Variants in SLC9C1 observed in about 807,000 individuals in gnomAD.
The protein encoded by SLC9C1 is sodium/hydrogen exchanger 10.
In SLC9C1, 97 loss-of-function variants were observed where a neutral mutation model predicts 140.9. The observed-to-expected ratio is 0.69, with a 90% CI of 0.58 to 0.82. The LOEUF (loss-of-function observed/expected upper bound fraction) is 0.82, where lower values mean the gene tolerates loss of function less well. SLC9C1 is among the 40% of genes least tolerant of loss of function. The probability of loss-of-function intolerance (pLI) is 0.00; values close to 1 mark genes in which losing one functional copy is unlikely to be tolerated. For synonymous variants in SLC9C1, 440 were observed against 442.6 expected (o/e 0.99, Z 0.07); for missense variants, 1,340 against 1,389.3 (o/e 0.96, Z 0.56).
intron 18 of SLC9C1, 41 bp downstream of exon 18, chr3:112,202,209 G>T: frequency 6.2e-7 from 1 of 1,604,236 alleles, no homozygotes; most frequent in Non-Finnish European, 8.5e-7. Flanking sequence ...GGCAACTGAG[G>T]GCTGAGTGAA....
chr3:112,160,404 A>G (rs1420975501), intron 26 of SLC9C1, among the ~76,000 whole-genome samples: 1 of 147,980 alleles, frequency 6.8e-6, no homozygotes, highest in Non-Finnish European at 1.5e-5. Flanking sequence ...ATATCTCCCA[A>G]TGCTATCCCT....
intron 9 of SLC9C1, 43 bp downstream of exon 9, chr3:112,264,156 TA>T (rs1246283272): frequency 1.2e-6 from 1 of 863,888 alleles, no homozygotes. Context: ...CCTTCAAACT[TA>T]CTCAATTATC....
intron 23 of SLC9C1, among the ~76,000 whole-genome samples, chr3:112,174,501 C>T (rs898764117): frequency 5.3e-5 from 8 of 152,056 alleles, no homozygotes; most frequent in South Asian, 2.1e-4. Context: ...GTGGAGGGAG[C>T]GGGGGTGCAG....
intron 7 of SLC9C1, among the ~76,000 whole-genome samples, chr3:112,266,875 T>G (rs2079932582): frequency 6.6e-6 from 1 of 152,256 alleles, no homozygotes. Context: ...GTATTTTAAT[T>G]ACTGTAGACC....
rs530725261 is a variant in SLC9C1 at position 112,233,118 on chromosome 3, G to A, written c.1447-1632C>T. 1.1e-4 allele frequency among the ~76,000 whole-genome samples: 16 copies of A among 148,972 alleles called. No individual in the cohort carries two copies. In the East Asian group the frequency reaches 2.6e-3, roughly 24 times the overall value. On this transcript the variant is annotated intron_variant, in intron 12 of 28. Transcript: ENST00000305815. ...GGGTATCTCTTTGCTGCCCAGGCTG[G>A]AGTGCAGTGGCACAATCACGGTTCA...
intron 20 of SLC9C1, among the ~76,000 whole-genome samples, chr3:112,190,556 GT>G (rs2077636338): frequency 6.6e-6 from 1 of 152,024 alleles, no homozygotes. Flanking sequence ...AACAATAACA[GT>G]TTTTGCCCAT....
At chr3:112,169,581 T>C (rs1458857547) in intron 23 of SLC9C1, among the ~76,000 whole-genome samples, 1 of 152,182 alleles carries the variant, frequency 6.6e-6, no homozygotes, top group African/African-American at 2.4e-5. Flanking sequence ...TTCTGTTCCA[T>C]TGATGTATGT....
At chr3:112,226,280 C>T (rs1222952199) in intron 13 of SLC9C1, among the ~76,000 whole-genome samples, 1 of 152,034 alleles carries the variant, frequency 6.6e-6, no homozygotes, top group Non-Finnish European at 1.5e-5. Flanking sequence ...AATCATGTTC[C>T]TCAACCACTG....
At chr3:112,272,620 T>TA (rs2080106796) in intron 6 of SLC9C1, among the ~76,000 whole-genome samples, 2 of 152,192 alleles carry the variant, frequency 1.3e-5, no homozygotes, top group Non-Finnish European at 2.9e-5. Flanking sequence ...TCCTAATGTC[T>TA]AAAAAAGTAA....
At chr3:112,229,240 G>A (rs1261844570) in intron 13 of SLC9C1, among the ~76,000 whole-genome samples, 1 of 151,976 alleles carries the variant, frequency 6.6e-6, no homozygotes, top group Non-Finnish European at 1.5e-5. Context: ...TAGATAGGAA[G>A]AATAAATTCT....
chr3:112,179,598 A>G lies in SLC9C1; in HGVS notation c.2852T>C (p.Ile951Thr), dbSNP rs907811058. ...DTDYMLSGEI[I>T]GEINCLTNEP... ...ATTAGTTAAGCAGTTTATCTCTCCT[A>G]TTATTTCTCCACTGAGCATATAGTC... is the stretch of plus-strand genomic sequence containing the variant. Residue 951 changes from isoleucine to threonine, a missense_variant, in exon 23 of 29, where the codon ATA (isoleucine) becomes ACA (threonine). Transcript: ENST00000305815. The G allele has an allele frequency of 5.6e-6, 9 of 1,612,050 alleles. No homozygotes were observed. Among genetic ancestry groups the G allele is most frequent in the African/African-American group, 5.3e-5 (4 of 74,886 alleles).
chr3:112,145,800 G>A (rs995689342), intron 28 of SLC9C1, among the ~76,000 whole-genome samples: 2 of 151,896 alleles, frequency 1.3e-5, no homozygotes, highest in African/African-American at 4.8e-5. Flanking sequence ...GAGACCCGAA[G>A]GCAGATAAAT....
intron 28 of SLC9C1, among the ~76,000 whole-genome samples, chr3:112,145,579 C>A (rs1287613809): frequency 3.9e-5 from 5 of 129,270 alleles, no homozygotes; most frequent in Non-Finnish European, 7.8e-5. Flanking sequence ...GTGAATCCAC[C>A]TGCCCTTGGC....
chr3:112,189,404 G>T (rs2077604407), intron 20 of SLC9C1, among the ~76,000 whole-genome samples: 1 of 152,152 alleles, frequency 6.6e-6, no homozygotes, highest in Non-Finnish European at 1.5e-5. Flanking sequence ...ATTAATTTTT[G>T]TATAAGATGT....
chr3:112,252,713 T>C (rs989359333), intron 10 of SLC9C1, among the ~76,000 whole-genome samples: 4 of 152,036 alleles, frequency 2.6e-5, no homozygotes, highest in African/African-American at 9.7e-5. Flanking sequence ...GCCTTAGCCA[T>C]TGTTGCCTTC....
At position 112,264,306 on chromosome 3, in the gene SLC9C1, C is replaced by A; in HGVS notation, c.916G>T (p.Val306Leu). The change falls in exon 9 of 29, where the codon GTG (valine) becomes TTG (leucine). Residue 306 changes from valine to leucine, a missense_variant. Physicochemically the swap from Val to Leu is conservative, Grantham distance 32. Transcript: ENST00000305815. ...ATTAGAAGTCCAAAGAAAGTAAACA[C>A]CATGAGAAAAGCAATACGTGATAGA... ...TFLSRIAFLM[V>L]FTFFGLLIPA... 2 of 1,482,370 alleles carry A rather than the reference C, an allele frequency of 1.3e-6. No individual in the cohort carries two copies. The highest frequency in any genetic ancestry group is 1.8e-6 in the Non-Finnish European group (2 of 1,117,504). The allele number at this position is 1,482,370 out of a possible 1,614,324, so 91.8% of individuals were successfully genotyped here. A position where few individuals can be genotyped will look rare whatever the true frequency, so the allele number is the denominator to read the frequency against.
At chr3:112,202,778 C>A (rs2077939121) in intron 17 of SLC9C1, among the ~76,000 whole-genome samples, 1 of 151,856 alleles carries the variant, frequency 6.6e-6, no homozygotes, top group South Asian at 2.1e-4. Context: ...CCTATAACAC[C>A]TCCTACTTGA....
intron 28 of SLC9C1, among the ~76,000 whole-genome samples, chr3:112,147,131 G>A (rs986914088): frequency 6.6e-6 from 1 of 151,664 alleles, no homozygotes; most frequent in Non-Finnish European, 1.5e-5. Context: ...GCTCTTTTTT[G>A]TTTTCCATTT....
intron 12 of SLC9C1, among the ~76,000 whole-genome samples, chr3:112,238,951 C>T (rs2079067224): frequency 6.6e-6 from 1 of 152,182 alleles, no homozygotes; most frequent in South Asian, 2.1e-4. Context: ...ATCTCAAACT[C>T]CATGCTGGGA....
Sources: gnomAD v4.1 joint callset for allele counts (sites outside exome capture counted in the v4.1 genomes callset) on GRCh38, gnomAD v4.1.1 for gene constraint, MANE v1.5 for transcripts, NCBI Gene and HGNC (gene_info 2026-07-23, HGNC 2026-07-21) for gene names.